The following GNAQ variants were observed in gnomAD, a reference collection of about 807,000 sequenced individuals.
GNAQ encodes the protein guanine nucleotide-binding protein G(q) subunit alpha.
Under a neutral mutation model 43.9 loss-of-function variants are expected in GNAQ, and 8 were observed. That is an observed-to-expected ratio of 0.18 (90% CI 0.11 to 0.33). The LOEUF (loss-of-function observed/expected upper bound fraction) is 0.33, where lower values mean the gene tolerates loss of function less well. Among genes scored for constraint, GNAQ ranks in the 10% least tolerant of loss-of-function variants. The pLI is 1.00. For missense variants in GNAQ, 158 were observed against 450.8 expected (o/e 0.35, Z 5.88); for synonymous variants, 155 against 170.7 (o/e 0.91, Z 0.71).
At chr9:77,752,170 A>G (rs926219792) in intron 5 of GNAQ, among the ~76,000 whole-genome samples, 2 of 152,258 alleles carry the variant, frequency 1.3e-5, no homozygotes, top group African/African-American at 4.8e-5. Context: ...ATTGTCAAAC[A>G]GATAATAAAA....
intron 2 of GNAQ, among the ~76,000 whole-genome samples, chr9:77,840,404 T>G (rs2117878698): frequency 6.6e-6 from 1 of 151,864 alleles, no homozygotes; most frequent in South Asian, 2.1e-4. Context: ...TGGCATAATC[T>G]TGGCTCACTG....
At chr9:78,000,365 C>A (rs1487491767) in intron 1 of GNAQ, among the ~76,000 whole-genome samples, 1 of 152,162 alleles carries the variant, frequency 6.6e-6, no homozygotes, top group South Asian at 2.1e-4. Context: ...GGTGTCTACA[C>A]ACATATCATT....
At chr9:77,741,946 A>AT (rs893998432) in intron 5 of GNAQ, among the ~76,000 whole-genome samples, 6 of 152,104 alleles carry the variant, frequency 3.9e-5, no homozygotes, top group African/African-American at 1.4e-4. Flanking sequence ...TGGTTATGAG[A>AT]TTTTTTGGGC....
At chr9:78,018,093 G>A (rs1823861473) in intron 1 of GNAQ, among the ~76,000 whole-genome samples, 1 of 151,620 alleles carries the variant, frequency 6.6e-6, no homozygotes, top group Non-Finnish European at 1.5e-5. Flanking sequence ...TTATGTGTGT[G>A]CATGTTTTAA....
intron 1 of GNAQ, among the ~76,000 whole-genome samples, chr9:78,001,586 C>T (rs976432055): frequency 1.4e-5 from 2 of 141,528 alleles, no homozygotes. Context: ...CTTCTTTGTA[C>T]TTTTTTTTTT....
intron 2 of GNAQ, among the ~76,000 whole-genome samples, chr9:77,868,182 A>T (rs1019880050): frequency 6.6e-6 from 1 of 152,236 alleles, no homozygotes; most frequent in Non-Finnish European, 1.5e-5. Context: ...ATCCTAAACA[A>T]CAGACATATA....
intron 2 of GNAQ, among the ~76,000 whole-genome samples, chr9:77,832,609 G>A (rs904292403): frequency 6.6e-6 from 1 of 152,208 alleles, no homozygotes; most frequent in Non-Finnish European, 1.5e-5. Context: ...ACTATAACAA[G>A]TAAGTATCAT....
chr9:77,894,050 T>C (rs922789640), intron 2 of GNAQ, among the ~76,000 whole-genome samples: 1 of 151,866 alleles, frequency 6.6e-6, no homozygotes, highest in Admixed American at 6.6e-5. Flanking sequence ...GTGTCCCCCA[T>C]TTTAGAGGTG....
At chr9:77,947,394 C>T (rs929607136) in intron 1 of GNAQ, among the ~76,000 whole-genome samples, 4 of 152,180 alleles carry the variant, frequency 2.6e-5, no homozygotes, top group Admixed American at 6.5e-5. Flanking sequence ...ACAAGCATGA[C>T]TCTGCCCTAT....
chr9:77,835,886 T>C (rs1044717558), intron 2 of GNAQ, among the ~76,000 whole-genome samples: 1 of 152,216 alleles, frequency 6.6e-6, no homozygotes, highest in Non-Finnish European at 1.5e-5. Context: ...CTTTTATTTA[T>C]TTATTTTGTA....
chr9:77,828,059 C>CAAAA (rs71360654), intron 2 of GNAQ, among the ~76,000 whole-genome samples: 305 of 19,246 alleles, frequency 0.016, 64 homozygotes, highest in East Asian at 0.058. Flanking sequence ...GACTCCTCCT[C>CAAAA]AAAAAAAAAA....
At chr9:77,908,233 A>G (rs1828743609) in intron 2 of GNAQ, among the ~76,000 whole-genome samples, 1 of 152,050 alleles carries the variant, frequency 6.6e-6, no homozygotes, top group Non-Finnish European at 1.5e-5. Context: ...CAAGGGAAAA[A>G]AGTTAAGACT....
intron 5 of GNAQ, among the ~76,000 whole-genome samples, chr9:77,767,273 G>A (rs540552919): frequency 2.0e-5 from 3 of 152,030 alleles, no homozygotes; most frequent in African/African-American, 4.8e-5. Context: ...CCTGTGTGCC[G>A]CAAGAGGTTC....
intron 5 of GNAQ, among the ~76,000 whole-genome samples, chr9:77,730,115 G>A (rs1825465289): frequency 6.6e-6 from 1 of 152,178 alleles, no homozygotes; most frequent in African/African-American, 2.4e-5. Flanking sequence ...GGCTAAGCTT[G>A]GTCATGCCTT....
intron 2 of GNAQ, among the ~76,000 whole-genome samples, chr9:77,863,803 G>C (rs1253158991): frequency 1.3e-5 from 2 of 152,140 alleles, no homozygotes; most frequent in African/African-American, 4.8e-5. Flanking sequence ...CAAAGAGAGA[G>C]CTTGTGCAGG....
chr9:77,881,724 A>G (rs1828210938), intron 2 of GNAQ, among the ~76,000 whole-genome samples: 1 of 152,182 alleles, frequency 6.6e-6, no homozygotes, highest in East Asian at 1.9e-4. Flanking sequence ...TTTTCAGTCA[A>G]TCTGTGTTCT....
chr9:77,899,285 T>C (rs946467816), intron 2 of GNAQ, among the ~76,000 whole-genome samples: 27 of 152,126 alleles, frequency 1.8e-4, no homozygotes, highest in African/African-American at 6.3e-4. Flanking sequence ...TTAGTAGAGA[T>C]GGGGTTTCAC....
intron 5 of GNAQ, among the ~76,000 whole-genome samples, chr9:77,781,792 A>AAATTC (rs1223317583): frequency 6.6e-6 from 1 of 152,166 alleles, no homozygotes; most frequent in Non-Finnish European, 1.5e-5. Context: ...GATGCAGAAG[A>AAATTC]AATGTTTGAC....
At position 77,940,706 on chromosome 9, in the gene GNAQ, G is replaced by A. The variant is rs1044970562; in HGVS notation, c.137-18361C>T. On this transcript the variant is annotated intron_variant, in intron 1 of 6. Coordinates refer to ENST00000286548, the MANE Select transcript of GNAQ (RefSeq NM_002072.5). ...AAGTCGGCTGCGCGCGGTGGCTCAC[G>A]CCTGTAATCCCAGCACTTTGGGAGG... Among the ~76,000 whole-genome samples, 112 of 152,260 alleles carry A rather than the reference G, an allele frequency of 7.4e-4. 1 individual carries two copies. The highest frequency in any genetic ancestry group is 2.5e-3 in the African/African-American group (103 of 41,556).
Sources: allele counts gnomAD v4.1 joint callset (sites outside exome capture counted in the v4.1 genomes callset), GRCh38; gene constraint gnomAD v4.1.1; transcripts MANE v1.5; gene names NCBI Gene and HGNC (gene_info 2026-07-23, HGNC 2026-07-21).